CRTAC1: variants seen among roughly 807,000 people sequenced by gnomAD.
CRTAC1 encodes the protein cartilage acidic protein 1.
A neutral mutation model predicts 67.8 loss-of-function variants in CRTAC1; 37 were observed. The observed-to-expected ratio is 0.55, with a 90% CI of 0.42 to 0.72. CRTAC1 has a LOEUF of 0.72. Among genes scored for constraint, CRTAC1 ranks in the 30% least tolerant of loss-of-function variants. The pLI, the probability that CRTAC1 is intolerant of heterozygous loss-of-function variation, is 0.00. For missense variants in CRTAC1, 780 were observed against 931.6 expected (o/e 0.84, Z 2.12); for synonymous variants, 348 against 371.0 (o/e 0.94, Z 0.71).
chr10:97,991,099 C>CCAAAAAAAAAAAAAAA (rs1554932158), intron 2 of CRTAC1, among the ~76,000 whole-genome samples: 1 of 17,980 alleles, frequency 5.6e-5, no homozygotes, highest in African/African-American at 1.9e-4. Flanking sequence ...ACCATCTCTA[C>CCAAAAAAAAAAAAAAA]AAAAAAAAAA....
At position 98,000,047 on chromosome 10, in the gene CRTAC1, C is replaced by T. The variant is rs566330977; in HGVS notation, c.224+11091G>A. 2.0e-5 allele frequency among the ~76,000 whole-genome samples: 3 copies of T among 152,322 alleles called. No homozygotes were observed. In the South Asian group the frequency reaches 6.2e-4, roughly 32 times the overall value. ...AGGACACCCTGGCTGCAGAAAGGAG[C>T]TGCCCTATGGGAGACTGAGCTGTTC... On this transcript the variant is annotated intron_variant, in intron 2 of 14. Transcript: ENST00000370597.
chr10:97,999,116 C>T (rs964307945), intron 2 of CRTAC1, among the ~76,000 whole-genome samples: 26 of 152,226 alleles, frequency 1.7e-4, no homozygotes, highest in African/African-American at 4.8e-4. Flanking sequence ...TCCCACTCCA[C>T]GAAGAAGGCA....
chr10:97,968,894 G>A (rs932060027), intron 2 of CRTAC1, among the ~76,000 whole-genome samples: 1 of 152,176 alleles, frequency 6.6e-6, no homozygotes, highest in Non-Finnish European at 1.5e-5. Flanking sequence ...CAAAGATTTT[G>A]AGCCAGTACA....
intron 13 of CRTAC1, 106 bp downstream of exon 13, chr10:97,882,680 C>T: frequency 8.2e-7 from 1 of 1,222,838 alleles, no homozygotes; most frequent in Middle Eastern, 2.5e-4. Context: ...CCCTGTCCTC[C>T]TTTCTGCCCC....
In CRTAC1 at chr10:97,865,515, G is replaced by T. The variant is rs1020507104; in HGVS notation, c.*33C>A. 5.7e-6 allele frequency: 9 copies of T among 1,577,350 alleles called. No homozygotes were observed. The highest frequency in any genetic ancestry group is 1.2e-5 in the South Asian group (1 of 85,496). ...AGCCCACTTTCCCACTCCCCTGCTG[G>T]ACTCCATCCGCTGGTTCATGTCCCA... On this transcript the variant is annotated 3_prime_UTR_variant, in exon 15 of 15. Coordinates refer to ENST00000370597, the MANE Select transcript of CRTAC1 (RefSeq NM_018058.7).
intron 2 of CRTAC1, among the ~76,000 whole-genome samples, chr10:97,965,296 T>C (rs1254836917): frequency 1.3e-5 from 2 of 152,228 alleles, no homozygotes; most frequent in Non-Finnish European, 2.9e-5. Context: ...AAACACTTAA[T>C]TCACTTAATT....
intron 14 of CRTAC1, 42 bp from the exon 15 acceptor site, chr10:97,865,756 T>G: frequency 7.3e-7 from 1 of 1,372,904 alleles, no homozygotes; most frequent in Non-Finnish European, 9.6e-7. Flanking sequence ...CTTGCAGACC[T>G]GCGGCGGCTG....
At chr10:97,999,153 G>A (rs552763584) in intron 2 of CRTAC1, among the ~76,000 whole-genome samples, 1 of 152,338 alleles carries the variant, frequency 6.6e-6, no homozygotes, top group East Asian at 1.9e-4. Context: ...AGGCACAGCT[G>A]CAGCTGCCCA....
chr10:97,975,137 C>T lies in CRTAC1; in HGVS notation c.224+36001G>A, dbSNP rs2051778867. 6.6e-6 allele frequency among the ~76,000 whole-genome samples: 1 copy of T among 152,180 alleles called. No homozygotes were observed. The highest frequency in any genetic ancestry group is 2.4e-5 in the African/African-American group (1 of 41,446). On this transcript the variant is annotated intron_variant, in intron 2 of 14. Coordinates refer to ENST00000370597, the MANE Select transcript of CRTAC1 (RefSeq NM_018058.7). The surrounding 1 kb of genome is among the most constrained non-coding windows in gnomAD (Gnocchi z 4.8). ...CCTACAGTTAAATCTGGCTAAACGG[C>T]AGCATTTAAGGGCCCTGCGAAGGAA... is the stretch of plus-strand genomic sequence containing the variant.
At chr10:97,967,657 T>G (rs547216205) in intron 2 of CRTAC1, among the ~76,000 whole-genome samples, 1 of 152,184 alleles carries the variant, frequency 6.6e-6, no homozygotes, top group Non-Finnish European at 1.5e-5. Flanking sequence ...CATTACCACA[T>G]GAATCATCCT....
At chr10:97,951,366 T>C (rs538018339) in intron 2 of CRTAC1, among the ~76,000 whole-genome samples, 16 of 152,366 alleles carry the variant, frequency 1.1e-4, no homozygotes, top group African/African-American at 3.8e-4. Flanking sequence ...AGTTAAACTC[T>C]TCATTTTGAT....
chr10:97,923,996 TGGGG>T (rs2050878071), intron 3 of CRTAC1, among the ~76,000 whole-genome samples: 1 of 152,076 alleles, frequency 6.6e-6, no homozygotes, highest in Non-Finnish European at 1.5e-5. Context: ...GTCCCAGGAC[TGGGG>T]AGCCCCAGAA....
chr10:97,993,433 C>T (rs185654196), intron 2 of CRTAC1, among the ~76,000 whole-genome samples: 6 of 152,168 alleles, frequency 3.9e-5, no homozygotes, highest in South Asian at 2.1e-4. Flanking sequence ...TGAGTGTCTT[C>T]GCTGTAGCAA....
chr10:97,996,789 G>A (rs1031653954), intron 2 of CRTAC1, among the ~76,000 whole-genome samples: 141 of 152,248 alleles, frequency 9.3e-4, no homozygotes, highest in South Asian at 2.1e-3. Flanking sequence ...GCACATGTAT[G>A]TTTATTGCAG....
chr10:97,891,585 G>A (rs1255207909), intron 11 of CRTAC1, among the ~76,000 whole-genome samples: 1 of 152,234 alleles, frequency 6.6e-6, no homozygotes, highest in Non-Finnish European at 1.5e-5. Flanking sequence ...TCCGCCCACT[G>A]CCAGCCTGGA....
At position 97,936,284 on chromosome 10, in the gene CRTAC1, G is replaced by A; in HGVS notation, c.307C>T (p.Pro103Ser). The change falls in exon 3 of 15, where the codon CCC becomes TCC. Residue 103 changes from proline (P) to serine (S), a missense_variant. Pro to Ser is a moderately conservative substitution (Grantham distance 74). Transcript: ENST00000370597. ...VNIAVDERSS[P>S]YYALRDRQGN... ...TGCCGGTCCCGCAGCGCGTAGTAGGGTGAGCTGCGCTCATCGACCGCGATG... is the reference window on the plus strand; with the variant it reads ...TGCCGGTCCCGCAGCGCGTAGTAGGATGAGCTGCGCTCATCGACCGCGATG... The A allele has an allele frequency of 6.2e-7, 1 of 1,614,078 alleles. No individual in the cohort carries two copies. Among genetic ancestry groups the A allele is most frequent in the Non-Finnish European group, 8.5e-7 (1 of 1,179,902 alleles).
chr10:98,005,193 C>A (rs951678860), intron 2 of CRTAC1, among the ~76,000 whole-genome samples: 6 of 146,252 alleles, frequency 4.1e-5, no homozygotes, highest in Non-Finnish European at 8.9e-5. Flanking sequence ...CAATCTCCCC[C>A]TCCCGAGTTC....
rs371480295 is a variant in CRTAC1, at chr10:97,865,571, C to T, written c.1963G>A (p.Glu655Lys). The stretch of plus-strand genomic sequence containing the variant: ...GCTCAGCAGCTGGGCTCGCAGCTCT[C>T]CTTAACCACCGACCCCAGATTGAGA... Reference protein sequence around the residue: ...GDLNLGSVVKESCEPSC With the variant: ...GDLNLGSVVKKSCEPSC The change falls in exon 15 of 15, where the codon GAG becomes AAG. Residue 655 changes from glutamate (E) to lysine (K), a missense_variant. Glu to Lys is a moderately conservative substitution (Grantham distance 56, BLOSUM62 1). Transcript: ENST00000370597. 1.7e-5 allele frequency: 28 copies of T among 1,612,082 alleles called. No individual in the cohort carries two copies. The African/African-American group carries it at 3.7e-4, about 22-fold the overall frequency.
At chr10:98,000,158 G>A (rs1842662220) in intron 2 of CRTAC1, among the ~76,000 whole-genome samples, 2 of 152,150 alleles carry the variant, frequency 1.3e-5, no homozygotes, top group Non-Finnish European at 2.9e-5. Flanking sequence ...ACAAGAACTT[G>A]GGACCTGGAG....
Sources: allele counts gnomAD v4.1 joint callset (sites outside exome capture counted in the v4.1 genomes callset), GRCh38; gene constraint gnomAD v4.1.1; non-coding constraint Gnocchi (gnomAD v3.1); transcripts MANE v1.5; gene names NCBI Gene and HGNC (gene_info 2026-07-23, HGNC 2026-07-21).